The following CEACAM20 variants were observed in gnomAD, a reference collection of about 807,000 sequenced individuals.
The protein encoded by CEACAM20 is cell adhesion molecule CEACAM20.
In CEACAM20, 50 loss-of-function variants were observed where a neutral mutation model predicts 61.2. The ratio of observed to expected loss-of-function variants is 0.82; its 90% CI spans 0.65 to 1.03. CEACAM20 has a LOEUF of 1.03. CEACAM20 is among the 50% of genes least tolerant of loss of function. The probability of loss-of-function intolerance (pLI) is 0.00; values close to 1 mark genes in which losing one functional copy is unlikely to be tolerated. For missense variants in CEACAM20, 683 were observed against 736.4 expected, an observed-to-expected ratio of 0.93 and a Z score of 0.84; for synonymous variants, 282 against 287.7, an observed-to-expected ratio of 0.98 and a Z score of 0.20.
rs777813540 is a variant in CEACAM20, at chr19:44,520,601, C to A, written c.903G>T (p.Gln301His). Residue 301 changes from glutamine (Q) to histidine (H), a missense_variant, in exon 5 of 12, where the codon CAG becomes CAT. By Grantham distance (24) the Gln-to-His change is conservative (BLOSUM62 0). Transcript: ENST00000614924. The part of the protein sequence containing the change: ...GQPLLPSEHL[Q>H]LSADNRTLII... ...TTAGGGTCCTGTTGTCAGCTGACAGCTGCAGGTGCTCACTGGGCAGGAGGG... is the reference window on the plus strand; with the variant it reads ...TTAGGGTCCTGTTGTCAGCTGACAGATGCAGGTGCTCACTGGGCAGGAGGG... The A allele has an allele frequency of 4.3e-6, 7 of 1,613,884 alleles. No homozygotes were observed. The highest frequency in any genetic ancestry group is 5.1e-6 in the Non-Finnish European group (6 of 1,179,900).
chr19:44,528,367 A>G (rs1442728562), intron 1 of CEACAM20, among the ~76,000 whole-genome samples: 2 of 151,996 alleles, frequency 1.3e-5, no homozygotes, highest in African/African-American at 4.8e-5. Flanking sequence ...AGCTGGGATT[A>G]CAGGTGCCCG....
chr19:44,513,422 A>T, intron 6 of CEACAM20, 133 bp from the exon 7 acceptor site: 1 of 557,270 alleles, frequency 1.8e-6, no homozygotes. Flanking sequence ...GGGAGGTATC[A>T]GATTGTGGTT....
chr19:44,520,645 A>G lies in CEACAM20; in HGVS notation c.859T>C (p.Trp287Arg). Residue 287 changes from tryptophan (W) to arginine (R), a missense_variant, in exon 5 of 12, where the codon TGG becomes CGG. Coordinates refer to ENST00000614924, the MANE Select transcript of CEACAM20 (RefSeq NM_001102597.3). ...AGGAGGGGCTGGCCACTTAGGAACCACTGGACATTCACACTCTGATTGACG... is the reference window on the plus strand; with the variant it reads ...AGGAGGGGCTGGCCACTTAGGAACCGCTGGACATTCACACTCTGATTGACG... Reference protein sequence around the residue: ...QTVNQSVNVQWFLSGQPLLPS... With the variant: ...QTVNQSVNVQRFLSGQPLLPS... The G allele has an allele frequency of 6.2e-7, 1 of 1,614,040 alleles. No individual in the cohort carries two copies. The highest frequency in any genetic ancestry group is 8.5e-7 in the Non-Finnish European group (1 of 1,179,896).
intron 5 of CEACAM20, among the ~76,000 whole-genome samples, chr19:44,519,169 TTGCAACATCCCCCA>T (rs1267798241): frequency 6.6e-6 from 1 of 152,134 alleles, no homozygotes; most frequent in African/African-American, 2.4e-5. Context: ...TGATGACCCT[TTGCAACATCCCCCA>T]GATGGAGGCT....
chr19:44,510,558 AAG>A (rs371783817), intron 11 of CEACAM20, among the ~76,000 whole-genome samples: 6,311 of 48,004 alleles, frequency 0.13, 329 homozygotes, highest in East Asian at 0.29. Context: ...GAAAGAAAGA[AAG>A]AAAGAAAGAA....
chr19:44,517,707 A>G (rs369518161), intron 5 of CEACAM20, among the ~76,000 whole-genome samples: 221 of 151,276 alleles, frequency 1.5e-3, no homozygotes, highest in African/African-American at 4.9e-3. Flanking sequence ...AAAAAAAAAA[A>G]AAAAAGAAAA....
chr19:44,519,310 A>C (rs1245707974), intron 5 of CEACAM20, among the ~76,000 whole-genome samples: 1 of 152,204 alleles, frequency 6.6e-6, no homozygotes. Flanking sequence ...GCTGAAAATC[A>C]TGTCAAGTAT....
intron 2 of CEACAM20, 88 bp from the exon 3 acceptor site, chr19:44,524,349 G>T: frequency 7.1e-7 from 1 of 1,398,992 alleles, no homozygotes; most frequent in Non-Finnish European, 9.8e-7. Flanking sequence ...AGAGAAACAG[G>T]ACTAGATTGG....
intron 11 of CEACAM20, among the ~76,000 whole-genome samples, chr19:44,509,814 G>A (rs1970919513): frequency 6.6e-6 from 1 of 151,934 alleles, no homozygotes; most frequent in Non-Finnish European, 1.5e-5. Context: ...AAAATTGAAT[G>A]GAAAAGAAAT....
intron 8 of CEACAM20, among the ~76,000 whole-genome samples, 172 bp downstream of exon 8, chr19:44,512,696 G>A (rs1971037219): frequency 6.6e-6 from 1 of 152,220 alleles, no homozygotes; most frequent in African/African-American, 2.4e-5. Flanking sequence ...ACCCATCAGA[G>A]GGCTTGACTC....
At chr19:44,524,802 A>G (rs1971477146) in intron 2 of CEACAM20, among the ~76,000 whole-genome samples, 1 of 151,670 alleles carries the variant, frequency 6.6e-6, no homozygotes. Context: ...GTGGGTCTCA[A>G]ACTCCTGGGC....
chr19:44,513,172 C>T lies in CEACAM20; in HGVS notation c.1427G>A (p.Arg476Gln). The T allele has an allele frequency of 4.4e-6, 7 of 1,608,106 alleles. No homozygotes were observed. The highest frequency in any genetic ancestry group is 1.1e-5 in the South Asian group (1 of 90,766). The stretch of plus-strand genomic sequence containing the variant: ...CCCCCTCCCTGTATCCCTGTGTTAC[C>T]GTCTGGCATTTCTGATGCAGAGAAA... Reference protein sequence around the residue: ...GYFLCIRNARRPSRKTTEDPS... With the variant: ...GYFLCIRNARQPSRKTTEDPS... Residue 476 changes from arginine to glutamine, a missense_variant and splice_region_variant, in exon 7 of 12, where the codon CGG becomes CAG. Arg to Gln is a conservative substitution (Grantham distance 43). Coordinates refer to ENST00000614924, the MANE Select transcript of CEACAM20 (RefSeq NM_001102597.3).
At chr19:44,512,787 CA>C in intron 8 of CEACAM20, 80 bp downstream of exon 8, 1 of 1,162,072 alleles carries the variant, frequency 8.6e-7, no homozygotes, top group Non-Finnish European at 1.3e-6. Context: ...GACCTGGTGG[CA>C]AAGCTGGGAG....
At chr19:44,511,931 G>A (rs974823109) in intron 9 of CEACAM20, 86 bp downstream of exon 9, 1 of 1,318,664 alleles carries the variant, frequency 7.6e-7, no homozygotes, top group Non-Finnish European at 1.1e-6. Flanking sequence ...TTTCTCAAAA[G>A]ATCATGCCAG....
chr19:44,520,850 G>GCA (rs1971342777), intron 4 of CEACAM20, 98 bp from the exon 5 acceptor site: 1 of 611,002 alleles, frequency 1.6e-6, no homozygotes, highest in Non-Finnish European at 2.2e-6. Context: ...GCGTGCGTGT[G>GCA]TGTGTGTGTG....
chr19:44,526,875 A>AAAAC (rs35675807), intron 1 of CEACAM20, among the ~76,000 whole-genome samples: 7,487 of 151,162 alleles, frequency 0.05, 182 homozygotes, highest in Middle Eastern at 0.069. Context: ...CCTTGTCTCA[A>AAAAC]AAACAAACAA....
rs557130329 is a variant in CEACAM20, at chr19:44,524,754, T to G, written c.196+347A>C. ...ACCACCAAACCTGGAGGATTTTGTG[T>G]TTTTTTTGTACACATGGGGTCCCCC... is the stretch of plus-strand genomic sequence containing the variant. On this transcript the variant is annotated intron_variant, in intron 2 of 11. Transcript: ENST00000614924. Among the ~76,000 whole-genome samples, 41 of 151,040 alleles carry G rather than the reference T, an allele frequency of 2.7e-4. No individual in the cohort carries two copies. The South Asian group carries it at 7.3e-3, about 27-fold the overall frequency.
At chr19:44,516,436 T>C (rs534983779) in intron 6 of CEACAM20, among the ~76,000 whole-genome samples, 7 of 152,240 alleles carry the variant, frequency 4.6e-5, no homozygotes, top group African/African-American at 1.7e-4. Context: ...GGGGGTGGTT[T>C]CCCCCATACT....
At chr19:44,510,608 GAA>G (rs766767904) in intron 11 of CEACAM20, among the ~76,000 whole-genome samples, 9,882 of 77,108 alleles carry the variant, frequency 0.13, 672 homozygotes, top group East Asian at 0.22. Context: ...AAGAAAGAAA[GAA>G]AAAGGAAGGA....
Sources: allele counts gnomAD v4.1 joint callset (sites outside exome capture counted in the v4.1 genomes callset), GRCh38; gene constraint gnomAD v4.1.1; transcripts MANE v1.5; gene names NCBI Gene and HGNC (gene_info 2026-07-23, HGNC 2026-07-21).